The following WDR7 variants were observed in gnomAD, a reference collection of about 807,000 sequenced individuals.
WDR7 encodes the protein WD repeat-containing protein 7.
In WDR7, 46 loss-of-function variants were observed where a neutral mutation model predicts 169.4. That is an observed-to-expected ratio of 0.27 (90% CI 0.21 to 0.35). The LOEUF (loss-of-function observed/expected upper bound fraction) is 0.35. Ranked by LOEUF, WDR7 falls within the 10% of genes least tolerant of loss-of-function variation. WDR7 has a pLI of 1.00. For synonymous variants in WDR7, 612 were observed against 666.8 expected (o/e 0.92, Z 1.27); for missense variants, 1,534 against 1,859.3 (o/e 0.83, Z 3.22).
Position 56,756,775 on chromosome 18 carries a change from G to C in WDR7, c.2182G>C (p.Asp728His). 6 of 1,614,092 alleles carry C rather than the reference G, an allele frequency of 3.7e-6. No individual in the cohort carries two copies. Among genetic ancestry groups the C allele is most frequent in the Non-Finnish European group, 5.1e-6 (6 of 1,180,018 alleles). Residue 728 changes from aspartate (D) to histidine (H), a missense_variant, in exon 15 of 28, where the codon GAC becomes CAC. Asp to His is a moderately conservative substitution (Grantham distance 81, BLOSUM62 -1). Transcript: ENST00000254442. ...TTTGCAAAAAGCATCTGGCAGTTCA[G>C]ACAAAGGGGGCTCTTTTTTAACTGG... ...ENLQKASGSS[D>H]KGGSFLTGKR... is the part of the protein sequence containing the mutation.
intron 12 of WDR7, among the ~76,000 whole-genome samples, chr18:56,705,082 C>T (rs1200480961): frequency 6.6e-6 from 1 of 152,166 alleles, no homozygotes; most frequent in Admixed American, 6.6e-5. Context: ...ATCCTCCTAT[C>T]TTGGCGTCTT....
intron 16 of WDR7, among the ~76,000 whole-genome samples, chr18:56,775,406 AT>A (rs1430675631): frequency 6.6e-6 from 1 of 152,158 alleles, no homozygotes; most frequent in African/African-American, 2.4e-5. Flanking sequence ...TAATCACTGA[AT>A]TTGTAATTAA....
At chr18:56,928,412 TG>T (rs1284933608) in intron 22 of WDR7, among the ~76,000 whole-genome samples, 1 of 152,108 alleles carries the variant, frequency 6.6e-6, no homozygotes, top group African/African-American at 2.4e-5. Context: ...CTGCACTAAG[TG>T]GTGATTGGAC....
intron 16 of WDR7, among the ~76,000 whole-genome samples, chr18:56,774,459 G>A (rs780355977): frequency 1.3e-5 from 2 of 152,088 alleles, no homozygotes; most frequent in Non-Finnish European, 2.9e-5. Context: ...CTATGTTGAA[G>A]CTGTGCTACA....
At chr18:56,702,321 C>T (rs1333341000) in intron 12 of WDR7, among the ~76,000 whole-genome samples, 1 of 152,132 alleles carries the variant, frequency 6.6e-6, no homozygotes, top group Non-Finnish European at 1.5e-5. Context: ...AAGATCCAGG[C>T]ACTTTTTCTT....
At chr18:56,939,018 T>C (rs2046998834) in intron 24 of WDR7, among the ~76,000 whole-genome samples, 1 of 152,170 alleles carries the variant, frequency 6.6e-6, no homozygotes, top group Admixed American at 6.5e-5. Flanking sequence ...TCATTATAAA[T>C]AAAATATATA....
intron 22 of WDR7, among the ~76,000 whole-genome samples, chr18:56,929,286 AT>A (rs1263642864): frequency 2.6e-5 from 4 of 151,976 alleles, no homozygotes; most frequent in South Asian, 2.1e-4. Flanking sequence ...AAAAAAAAAA[AT>A]ATTTTCATCA....
intron 9 of WDR7, 140 bp from the exon 10 acceptor site, chr18:56,694,476 ATTG>A: frequency 1.5e-6 from 1 of 682,054 alleles, no homozygotes. Context: ...ACATTAAAAT[ATTG>A]TTGAATAATC....
rs562848713 is a variant in WDR7, at chr18:56,775,271, GA to G, written c.2849-1507del. ...CCATTTTTGAAAAAGTGAAATTATG[GA>G]AAAGTCCTAACTGAAGCCACCAGAG... On this transcript the variant is annotated intron_variant, in intron 16 of 27. Coordinates refer to ENST00000254442, the MANE Select transcript of WDR7 (RefSeq NM_015285.3). Among the ~76,000 whole-genome samples the G allele has an allele frequency of 7.7e-4, 117 of 152,132 alleles. 1 individual carries two copies. In the Middle Eastern group the frequency reaches 0.01, roughly 13 times the overall value.
At chr18:56,743,009 A>C (rs1323241860) in intron 14 of WDR7, among the ~76,000 whole-genome samples, 1 of 152,220 alleles carries the variant, frequency 6.6e-6, no homozygotes, top group East Asian at 1.9e-4. Flanking sequence ...TATGTAAAAC[A>C]GATAATAGGT....
intron 19 of WDR7, among the ~76,000 whole-genome samples, chr18:56,792,108 C>T (rs1180210413): frequency 6.6e-6 from 1 of 152,114 alleles, no homozygotes; most frequent in Non-Finnish European, 1.5e-5. Flanking sequence ...ACCTCAACCT[C>T]CTGCGTTCAA....
chr18:56,735,237 G>A (rs1328589343), intron 14 of WDR7, among the ~76,000 whole-genome samples: 1 of 152,066 alleles, frequency 6.6e-6, no homozygotes, highest in Non-Finnish European at 1.5e-5. Flanking sequence ...TGCATAAGTT[G>A]AATAAATAGG....
At chr18:56,707,147 A>G (rs1304898854) in intron 12 of WDR7, among the ~76,000 whole-genome samples, 1 of 151,500 alleles carries the variant, frequency 6.6e-6, no homozygotes, top group African/African-American at 2.4e-5. Context: ...CACCCAGCTA[A>G]TTTTTTTATG....
In WDR7 at chr18:56,933,290, T is replaced by G. The variant is rs78561711; in HGVS notation, c.3714-2498T>G. On this transcript the variant is annotated intron_variant, in intron 22 of 27. Coordinates refer to ENST00000254442, the MANE Select transcript of WDR7 (RefSeq NM_015285.3). ...AATCACTACCACACATATTTATGTT[T>G]CAGATGCAATCCTCAGTAGTTCACG... 6.5e-3 allele frequency among the ~76,000 whole-genome samples: 983 copies of G among 152,312 alleles called. 27 individuals carry two copies. In the East Asian group the frequency reaches 0.094, roughly 14 times the overall value.
At chr18:56,789,049 G>C (rs905180689) in intron 19 of WDR7, among the ~76,000 whole-genome samples, 4 of 152,094 alleles carry the variant, frequency 2.6e-5, no homozygotes, top group Admixed American at 6.5e-5. Context: ...CAGAGCTATT[G>C]AGCTTAATTT....
chr18:57,013,115 A>C (rs900625873), intron 26 of WDR7, among the ~76,000 whole-genome samples: 1 of 152,154 alleles, frequency 6.6e-6, no homozygotes, highest in Non-Finnish European at 1.5e-5. Context: ...TTTGTGATGA[A>C]ACTGTTCCTC....
At chr18:56,895,357 T>A (rs570559418) in intron 21 of WDR7, among the ~76,000 whole-genome samples, 3 of 151,880 alleles carry the variant, frequency 2.0e-5, no homozygotes, top group Admixed American at 1.3e-4. Flanking sequence ...CAAAAAAAAA[T>A]TTTTAAAGGC....
At chr18:56,884,618 C>A (rs1434148626) in intron 21 of WDR7, among the ~76,000 whole-genome samples, 1 of 152,162 alleles carries the variant, frequency 6.6e-6, no homozygotes, top group East Asian at 1.9e-4. Flanking sequence ...CACTCCCATC[C>A]CCCACCACGG....
chr18:56,819,047 CAATT>C (rs1455576976), intron 20 of WDR7, among the ~76,000 whole-genome samples: 4 of 152,160 alleles, frequency 2.6e-5, no homozygotes, highest in African/African-American at 9.6e-5. Flanking sequence ...AGCAAGATAA[CAATT>C]AAAATATGAG....
Sources: gnomAD v4.1 joint callset for allele counts (sites outside exome capture counted in the v4.1 genomes callset) on GRCh38, gnomAD v4.1.1 for gene constraint, MANE v1.5 for transcripts, NCBI Gene and HGNC (gene_info 2026-07-23, HGNC 2026-07-21) for gene names.